Variants in DDX46 observed in about 807,000 individuals in gnomAD.
The protein encoded by DDX46 is probable ATP-dependent RNA helicase DDX46.
DDX46 carries 30 observed loss-of-function variants against 134.9 expected under a neutral mutation model. The observed-to-expected ratio is 0.22, with a 90% CI of 0.17 to 0.30. The LOEUF is 0.30. DDX46 is among the 10% of genes least tolerant of loss of function. The pLI is 1.00. For missense variants in DDX46, 622 were observed against 1,248.7 expected, an observed-to-expected ratio of 0.50 and a Z score of 7.56; for synonymous variants, 415 against 404.1, an observed-to-expected ratio of 1.03 and a Z score of -0.32.
intron 11 of DDX46, among the ~76,000 whole-genome samples, chr5:134,787,481 C>T (rs189810738): frequency 5.0e-4 from 76 of 152,266 alleles, no homozygotes; most frequent in African/African-American, 1.8e-3. Flanking sequence ...ACTATTGTTA[C>T]AAGAACACAC....
rs910485524 is a variant in DDX46 at position 134,830,686 on chromosome 5, A to C, written c.*1980A>C. 4.7e-4 allele frequency: 72 copies of C among 152,652 alleles called. No individual in the cohort carries two copies. Among genetic ancestry groups the C allele is most frequent in the African/African-American group, 1.5e-3 (64 of 41,464 alleles). 9.5% of individuals were successfully genotyped at this position (152,652 alleles called of 1,614,324 possible). A position where few individuals can be genotyped will look rare whatever the true frequency, so the allele number is the denominator to read the frequency against. ...CTTCACACATCCACTTAATTTCTTG[A>C]AGGAAGAAAACAGACAAAAGACATG... is the stretch of plus-strand genomic sequence containing the variant. On this transcript the variant is annotated 3_prime_UTR_variant, in exon 23 of 23. Coordinates refer to ENST00000452510, the MANE Select transcript of DDX46 (RefSeq NM_001300860.2).
intron 3 of DDX46, among the ~76,000 whole-genome samples, chr5:134,770,312 G>A (rs535914655): frequency 1.5e-4 from 23 of 151,568 alleles, no homozygotes; most frequent in African/African-American, 5.1e-4. Context: ...CTGGGCTCAA[G>A]TGATCGTCTT....
intron 18 of DDX46, among the ~76,000 whole-genome samples, chr5:134,813,756 T>A (rs1169755152): frequency 6.6e-6 from 1 of 151,994 alleles, no homozygotes; most frequent in Non-Finnish European, 1.5e-5. Context: ...GCTGGTACTA[T>A]GGGTGCACCA....
At chr5:134,781,546 C>T (rs908749476) in intron 7 of DDX46, among the ~76,000 whole-genome samples, 1 of 151,948 alleles carries the variant, frequency 6.6e-6, no homozygotes, top group South Asian at 2.1e-4. Flanking sequence ...TCCATTAACA[C>T]GTAAAGATTT....
intron 5 of DDX46, among the ~76,000 whole-genome samples, chr5:134,774,906 A>T (rs943106769): frequency 6.6e-6 from 1 of 152,008 alleles, no homozygotes; most frequent in African/African-American, 2.4e-5. Context: ...GCGGCACTGC[A>T]GTCTCCGCCT....
chr5:134,814,792 T>A (rs891561992), intron 18 of DDX46, among the ~76,000 whole-genome samples: 3 of 152,172 alleles, frequency 2.0e-5, no homozygotes, highest in African/African-American at 7.2e-5. Flanking sequence ...ACTTTTATAT[T>A]TTTTGTAGAG....
intron 3 of DDX46, among the ~76,000 whole-genome samples, chr5:134,768,779 G>T (rs1341750609): frequency 1.3e-5 from 2 of 152,142 alleles, no homozygotes; most frequent in African/African-American, 2.4e-5. Flanking sequence ...ATCATTAGAA[G>T]TCTGGGTGAA....
At chr5:134,807,463 C>T (rs1364443264) in intron 15 of DDX46, among the ~76,000 whole-genome samples, 5 of 152,118 alleles carry the variant, frequency 3.3e-5, no homozygotes, top group Non-Finnish European at 4.4e-5. Context: ...TGCCTTTTCT[C>T]GCTTTGGCTC....
intron 4 of DDX46, among the ~76,000 whole-genome samples, chr5:134,772,879 G>T (rs1753817844): frequency 6.6e-6 from 1 of 152,046 alleles, no homozygotes; most frequent in South Asian, 2.1e-4. Flanking sequence ...TCAGCTCGCT[G>T]CAACCTCTGC....
chr5:134,785,095 C>G (rs1200451471), intron 10 of DDX46, among the ~76,000 whole-genome samples: 3 of 152,182 alleles, frequency 2.0e-5, no homozygotes. Flanking sequence ...CTGTGCCCCT[C>G]AGACCAAGGT....
At chr5:134,770,667 A>G (rs569452935) in intron 3 of DDX46, among the ~76,000 whole-genome samples, 2 of 152,160 alleles carry the variant, frequency 1.3e-5, no homozygotes, top group African/African-American at 2.4e-5. Context: ...CAAAAATTAT[A>G]TGAGTGTGGT....
At chr5:134,809,368 T>A (rs1346092283) in intron 16 of DDX46, among the ~76,000 whole-genome samples, 2 of 152,026 alleles carry the variant, frequency 1.3e-5, no homozygotes, top group African/African-American at 2.4e-5. Flanking sequence ...ATATTTCTGT[T>A]TTTGTTTTTG....
chr5:134,786,061 T>C (rs937248020), intron 11 of DDX46, among the ~76,000 whole-genome samples: 2 of 151,974 alleles, frequency 1.3e-5, no homozygotes, highest in African/African-American at 4.8e-5. Flanking sequence ...ATTGGCCAGA[T>C]TGGTCTTGAA....
At chr5:134,791,637 A>G (rs1182394446) in intron 13 of DDX46, among the ~76,000 whole-genome samples, 1 of 152,244 alleles carries the variant, frequency 6.6e-6, no homozygotes, top group African/African-American at 2.4e-5. Context: ...TTGCCAAAAA[A>G]TGAATAAAAA....
chr5:134,782,871 T>TA (rs1052136708), intron 8 of DDX46, 74 bp from the exon 9 acceptor site: 1 of 1,557,400 alleles, frequency 6.4e-7, no homozygotes, highest in Non-Finnish European at 8.7e-7. Context: ...TTGTTAATCT[T>TA]ATGCCTAATT....
At chr5:134,808,359 A>T (rs1279184817) in intron 16 of DDX46, among the ~76,000 whole-genome samples, 1 of 152,222 alleles carries the variant, frequency 6.6e-6, no homozygotes, top group Non-Finnish European at 1.5e-5. Context: ...ATTAGGTTAT[A>T]CTTGGGCATC....
chr5:134,758,805 G>A lies in DDX46; in HGVS notation c.-134G>A. ...TGTTTTCGTTGGCCGCGCTGGGATG[G>A]CCGCCACAGCTGTAGGTGCTGCTAG... On this transcript the variant is annotated 5_prime_UTR_variant, in exon 1 of 23. Transcript: ENST00000452510. The A allele has an allele frequency of 7.1e-7, 1 of 1,415,062 alleles. No individual in the cohort carries two copies. The highest frequency in any genetic ancestry group is 9.8e-7 in the Non-Finnish European group (1 of 1,017,476). The allele number at this position is 1,415,062 out of a possible 1,614,324, so 87.7% of individuals were successfully genotyped here.
intron 15 of DDX46, among the ~76,000 whole-genome samples, chr5:134,801,026 G>A (rs1049122196): frequency 2.0e-5 from 3 of 151,880 alleles, no homozygotes; most frequent in African/African-American, 7.3e-5. Context: ...ACTCATGCCT[G>A]TAATCCCAGC....
chr5:134,769,292 G>A lies in DDX46; in HGVS notation c.351-1611G>A, dbSNP rs916249300. 4.9e-5 allele frequency among the ~76,000 whole-genome samples: 7 copies of A among 141,488 alleles called. No individual in the cohort carries two copies. The East Asian group carries it at 6.3e-4, about 13-fold the overall frequency. 92.8% of individuals were successfully genotyped at this position (141,488 alleles called of 152,430 possible). On this transcript the variant is annotated intron_variant, in intron 3 of 22. Coordinates refer to ENST00000452510, the MANE Select transcript of DDX46 (RefSeq NM_001300860.2). Reference sequence around the variant, plus strand: ...ATATTTAGTAATGCTTCCCATTAGTGTCATGGGATTAATTTTTTTCGTTAT... The same window carrying A: ...ATATTTAGTAATGCTTCCCATTAGTATCATGGGATTAATTTTTTTCGTTAT...
Sources: allele counts gnomAD v4.1 joint callset (sites outside exome capture counted in the v4.1 genomes callset), GRCh38; gene constraint gnomAD v4.1.1; transcripts MANE v1.5; gene names NCBI Gene and HGNC (gene_info 2026-07-23, HGNC 2026-07-21).